PEX5L: variants seen among roughly 807,000 people sequenced by gnomAD.
The protein encoded by PEX5L is PEX5-related protein.
In PEX5L, 30 loss-of-function variants were observed where a neutral mutation model predicts 84.0. The ratio of observed to expected loss-of-function variants is 0.36; its 90% CI spans 0.27 to 0.48. PEX5L has a LOEUF of 0.48. Ranked by LOEUF, PEX5L falls within the 20% of genes least tolerant of loss-of-function variation. PEX5L has a pLI of 0.99. For missense variants in PEX5L, 533 were observed against 754.6 expected, an observed-to-expected ratio of 0.71 and a Z score of 3.44; for synonymous variants, 270 against 283.1, an observed-to-expected ratio of 0.95 and a Z score of 0.46.
At chr3:179,946,368 C>T (rs889432058) in intron 2 of PEX5L, among the ~76,000 whole-genome samples, 2 of 152,126 alleles carry the variant, frequency 1.3e-5, no homozygotes, top group Non-Finnish European at 2.9e-5. Flanking sequence ...TAGAATAGTG[C>T]AGGACACAGG....
At chr3:179,914,803 G>C (rs1766441918) in intron 2 of PEX5L, among the ~76,000 whole-genome samples, 1 of 152,190 alleles carries the variant, frequency 6.6e-6, no homozygotes, top group African/African-American at 2.4e-5. Flanking sequence ...GTAGCTAAAA[G>C]AAAGGTTGTT....
chr3:179,997,736 CA>C (rs895348270), intron 1 of PEX5L, among the ~76,000 whole-genome samples: 2 of 152,168 alleles, frequency 1.3e-5, no homozygotes, highest in African/African-American at 4.8e-5. Flanking sequence ...AGTGCTTTAC[CA>C]GATGTGATTT....
intron 11 of PEX5L, among the ~76,000 whole-genome samples, chr3:179,810,061 T>G (rs1723180744): frequency 7.9e-6 from 1 of 126,792 alleles, no homozygotes; most frequent in Non-Finnish European, 1.6e-5. Flanking sequence ...TCACTGAAGC[T>G]GGAGTGCAGT....
Position 179,811,786 on chromosome 3 carries a change from C to G in PEX5L, c.1154+15G>C. 6.2e-7 allele frequency: 1 copy of G among 1,604,220 alleles called. No homozygotes were observed. Among genetic ancestry groups the G allele is most frequent in the Non-Finnish European group, 8.5e-7 (1 of 1,170,910 alleles). On this transcript the variant is annotated intron_variant, in intron 11 of 14. Transcript: ENST00000467460. ...TATCCACCAGGCCCATGATTTTGCACTTAGCTTCCTTTACCTCTGGAGGGC... is the reference window on the plus strand; with the variant it reads ...TATCCACCAGGCCCATGATTTTGCAGTTAGCTTCCTTTACCTCTGGAGGGC...
intron 2 of PEX5L, among the ~76,000 whole-genome samples, chr3:179,906,128 G>C (rs1474893883): frequency 2.0e-5 from 3 of 152,106 alleles, no homozygotes; most frequent in African/African-American, 4.8e-5. Context: ...GACAGATAAG[G>C]CTTTATTTTT....
At position 179,831,170 on chromosome 3, in the gene PEX5L, C is replaced by A. The variant is rs1409851900; in HGVS notation, c.823-11194G>T. Among the ~76,000 whole-genome samples, 4 of 151,934 alleles carry A rather than the reference C, an allele frequency of 2.6e-5. No individual in the cohort carries two copies. In the East Asian group the frequency reaches 5.8e-4, roughly 22 times the overall value. ...TCTCTACTAAAAATACAAAAATTAG[C>A]CGGGCATGGTGGCGGGTGCCTGTAA... On this transcript the variant is annotated intron_variant, in intron 8 of 14. Transcript: ENST00000467460.
At chr3:179,818,729 T>G (rs931105466) in intron 9 of PEX5L, among the ~76,000 whole-genome samples, 1 of 152,154 alleles carries the variant, frequency 6.6e-6, no homozygotes, top group African/African-American at 2.4e-5. Context: ...GCCTGGCTTA[T>G]TTTACTTAAC....
At chr3:180,023,490 C>T (rs1413288178) in intron 1 of PEX5L, among the ~76,000 whole-genome samples, 1 of 152,028 alleles carries the variant, frequency 6.6e-6, no homozygotes, top group East Asian at 1.9e-4. Context: ...TCAAGCTTCT[C>T]GATGTTAGCA....
intron 8 of PEX5L, among the ~76,000 whole-genome samples, chr3:179,858,519 A>G (rs1257406601): frequency 6.6e-6 from 1 of 151,986 alleles, no homozygotes; most frequent in Non-Finnish European, 1.5e-5. Flanking sequence ...ATTCATTTGA[A>G]TTATCAACAA....
intron 2 of PEX5L, among the ~76,000 whole-genome samples, chr3:179,928,561 T>C (rs748216536): frequency 6.6e-6 from 1 of 152,176 alleles, no homozygotes; most frequent in Non-Finnish European, 1.5e-5. Context: ...ATTTAAACAG[T>C]TGTGTATCTG....
At chr3:179,829,939 GCT>G (rs1164317329) in intron 8 of PEX5L, among the ~76,000 whole-genome samples, 17 of 137,966 alleles carry the variant, frequency 1.2e-4, no homozygotes, top group African/African-American at 4.4e-4. Flanking sequence ...ACCAGGCCTG[GCT>G]AATTTTTTTT....
intron 8 of PEX5L, among the ~76,000 whole-genome samples, chr3:179,828,836 C>T (rs1016230595): frequency 6.6e-6 from 1 of 152,148 alleles, no homozygotes. Context: ...GTTTGTTTTA[C>T]GTGATTGCTT....
intron 2 of PEX5L, among the ~76,000 whole-genome samples, chr3:179,905,505 C>CAGGAG (rs1762881252): frequency 6.6e-6 from 1 of 152,138 alleles, no homozygotes; most frequent in South Asian, 2.1e-4. Context: ...GTGATCCGCC[C>CAGGAG]GCCTCGACCT....
chr3:179,879,563 G>A (rs1031161459), intron 5 of PEX5L, among the ~76,000 whole-genome samples: 1 of 152,096 alleles, frequency 6.6e-6, no homozygotes, highest in African/African-American at 2.4e-5. Flanking sequence ...GCTGCCCCTG[G>A]GCCTTGCATT....
intron 1 of PEX5L, among the ~76,000 whole-genome samples, chr3:180,005,811 C>A (rs1788837527): frequency 6.6e-6 from 1 of 152,194 alleles, no homozygotes; most frequent in Non-Finnish European, 1.5e-5. Flanking sequence ...CTCAAGTGAT[C>A]CTTGGCCTCT....
chr3:179,891,279 C>T (rs1250956283), intron 3 of PEX5L, among the ~76,000 whole-genome samples: 1 of 152,114 alleles, frequency 6.6e-6, no homozygotes, highest in East Asian at 1.9e-4. Context: ...CTTTCTTCCA[C>T]AAATTCAAAT....
At chr3:180,035,732 A>G (rs1242450163) in intron 1 of PEX5L, among the ~76,000 whole-genome samples, 1 of 152,362 alleles carries the variant, frequency 6.6e-6, no homozygotes, top group East Asian at 1.9e-4. Flanking sequence ...TGGAATGGAA[A>G]GGAAGCCCAA....
At chr3:179,847,081 G>GTGTA (rs777216967) in intron 8 of PEX5L, among the ~76,000 whole-genome samples, 57 of 105,586 alleles carry the variant, frequency 5.4e-4, no homozygotes, top group African/African-American at 1.6e-3. Context: ...GTGTGTGTGT[G>GTGTA]TATATATATA....
At chr3:179,874,479 A>T in intron 6 of PEX5L, 56 bp from the exon 7 acceptor site, 1 of 919,342 alleles carries the variant, frequency 1.1e-6, no homozygotes, top group East Asian at 2.5e-5. Flanking sequence ...TTAAGCTATA[A>T]ATCCAGCCAA....
Sources: gnomAD v4.1 joint callset for allele counts (sites outside exome capture counted in the v4.1 genomes callset) on GRCh38, gnomAD v4.1.1 for gene constraint, MANE v1.5 for transcripts, NCBI Gene and HGNC (gene_info 2026-07-23, HGNC 2026-07-21) for gene names.